The following PCDH7 variants were observed in gnomAD, a reference collection of about 807,000 sequenced individuals.
PCDH7 encodes protocadherin 7, also known as protocadherin-7.
In PCDH7, 17 loss-of-function variants were observed where a neutral mutation model predicts 58.9. The ratio of observed to expected loss-of-function variants is 0.29; its 90% CI spans 0.20 to 0.43. The LOEUF is 0.43. PCDH7 is among the 20% of genes least tolerant of loss of function. The pLI, the probability that PCDH7 is intolerant of heterozygous loss-of-function variation, is 1.00. For missense variants in PCDH7, 1,274 were observed against 1,441.0 expected (o/e 0.88, Z 1.88); for synonymous variants, 664 against 616.4 (o/e 1.08, Z -1.14).
intron 3 of PCDH7, among the ~76,000 whole-genome samples, chr4:31,094,698 A>G (rs1713716965): frequency 6.6e-6 from 1 of 152,056 alleles, no homozygotes; most frequent in Non-Finnish European, 1.5e-5. Flanking sequence ...TCCAGATACC[A>G]CTGATAGGAA....
At chr4:30,947,454 C>T (rs576431273) in intron 2 of PCDH7, among the ~76,000 whole-genome samples, 1 of 152,148 alleles carries the variant, frequency 6.6e-6, no homozygotes, top group Non-Finnish European at 1.5e-5. Context: ...CCAAATGCCT[C>T]ATGGGGATGA....
At chr4:30,784,067 GA>G (rs895753283) in intron 1 of PCDH7, among the ~76,000 whole-genome samples, 8 of 152,258 alleles carry the variant, frequency 5.3e-5, no homozygotes, top group Middle Eastern at 3.4e-3. Context: ...GGACTTGACT[GA>G]AAGATTGGTT....
intron 1 of PCDH7, among the ~76,000 whole-genome samples, chr4:30,740,731 G>T (rs1007272451): frequency 6.6e-6 from 1 of 151,886 alleles, no homozygotes; most frequent in Non-Finnish European, 1.5e-5. Context: ...AAGTGAAAGT[G>T]AATTACTTAT....
chr4:30,760,223 C>T (rs1316934263), intron 1 of PCDH7, among the ~76,000 whole-genome samples: 1 of 152,134 alleles, frequency 6.6e-6, no homozygotes, highest in Non-Finnish European at 1.5e-5. Context: ...AGGAATGGAA[C>T]ATTAAGGAGG....
chr4:30,958,915 C>T (rs886548004), intron 3 of PCDH7, among the ~76,000 whole-genome samples: 3 of 151,892 alleles, frequency 2.0e-5, no homozygotes, highest in African/African-American at 7.3e-5. Context: ...GTAGATAATA[C>T]CATACTTTTT....
intron 3 of PCDH7, among the ~76,000 whole-genome samples, chr4:31,082,663 A>C (rs1711653473): frequency 6.6e-6 from 1 of 152,164 alleles, no homozygotes; most frequent in Non-Finnish European, 1.5e-5. Context: ...TTCTAAGTGA[A>C]GTAACACAAA....
chr4:30,786,680 T>C lies in PCDH7; in HGVS notation c.70+62084T>C, dbSNP rs188741941. 3 of 762,278 alleles carry C rather than the reference T, an allele frequency of 3.9e-6. No individual in the cohort carries two copies. In the Admixed American group the frequency reaches 1.9e-4, roughly 48 times the overall value. 47.2% of individuals were successfully genotyped at this position (762,278 alleles called of 1,614,324 possible). ...CTTTGGAACTAGGCTGGCAAAACCCTACTCACATCCCTGTAAAGCAGACAT... is the reference window on the plus strand; with the variant it reads ...CTTTGGAACTAGGCTGGCAAAACCCCACTCACATCCCTGTAAAGCAGACAT... On this transcript the variant is annotated intron_variant, in intron 1 of 3. Transcript: ENST00000509759.
intron 3 of PCDH7, among the ~76,000 whole-genome samples, chr4:31,124,514 A>G (rs116734769): frequency 1.2e-4 from 19 of 152,282 alleles, no homozygotes; most frequent in Non-Finnish European, 1.6e-4. Flanking sequence ...CCAAGATACA[A>G]TTATTAAAAT....
chr4:30,841,497 A>C (rs1731213596), intron 1 of PCDH7, among the ~76,000 whole-genome samples: 2 of 152,128 alleles, frequency 1.3e-5, no homozygotes, highest in Admixed American at 6.6e-5. Flanking sequence ...TTTTAGTTTA[A>C]TCTATCTAAA....
intron 3 of PCDH7, among the ~76,000 whole-genome samples, chr4:31,057,521 A>G (rs1272078370): frequency 6.6e-6 from 1 of 152,194 alleles, no homozygotes; most frequent in Non-Finnish European, 1.5e-5. Context: ...CCTGATGATT[A>G]AGGTCACATG....
chr4:30,913,576 T>C (rs1742052902), intron 1 of PCDH7, among the ~76,000 whole-genome samples: 2 of 152,194 alleles, frequency 1.3e-5, no homozygotes, highest in Admixed American at 6.6e-5. Context: ...GTCAACTGCC[T>C]ACATTTAGGG....
chr4:31,126,766 A>G (rs866347652), intron 3 of PCDH7, among the ~76,000 whole-genome samples: 3 of 152,212 alleles, frequency 2.0e-5, no homozygotes, highest in Non-Finnish European at 4.4e-5. Flanking sequence ...TGGTTAATAT[A>G]GTTCACATAA....
intron 2 of PCDH7, among the ~76,000 whole-genome samples, chr4:30,928,734 T>C (rs1744201670): frequency 6.6e-6 from 1 of 152,206 alleles, no homozygotes; most frequent in Admixed American, 6.5e-5. Context: ...AAGAAGGCCA[T>C]GAAATGTTCT....
intron 3 of PCDH7, among the ~76,000 whole-genome samples, chr4:31,062,387 G>A (rs1757756572): frequency 6.6e-6 from 1 of 151,698 alleles, no homozygotes; most frequent in Admixed American, 6.6e-5. Context: ...TAAGATTTGG[G>A]TGCAGGATAT....
rs555007845 is a variant in PCDH7 at position 30,724,953 on chromosome 4, C to A, written c.3174+357C>A. 1.5e-5 allele frequency: 16 copies of A among 1,042,984 alleles called. No homozygotes were observed. In the Admixed American group the frequency reaches 1.6e-4, roughly 11 times the overall value. 64.6% of individuals were successfully genotyped at this position (1,042,984 alleles called of 1,614,324 possible). A position where few individuals can be genotyped will look rare whatever the true frequency, so the allele number is the denominator to read the frequency against. Reference sequence around the variant, plus strand: ...GTTAGTTTTCACCTGAAATTATTTTCTTCTGTGGCAACTAAGTGGATAATT... The same window carrying A: ...GTTAGTTTTCACCTGAAATTATTTTATTCTGTGGCAACTAAGTGGATAATT... On this transcript the variant is annotated intron_variant, in intron 1 of 1. Transcript: ENST00000361762.
chr4:30,740,355 C>T (rs1381244602), intron 1 of PCDH7, among the ~76,000 whole-genome samples: 1 of 152,222 alleles, frequency 6.6e-6, no homozygotes. Flanking sequence ...AATAGTTTCA[C>T]CTTAAATCTT....
chr4:30,744,646 C>T (rs996609315), intron 1 of PCDH7, among the ~76,000 whole-genome samples: 2 of 152,180 alleles, frequency 1.3e-5, no homozygotes, highest in African/African-American at 4.8e-5. Context: ...TGACACTTGG[C>T]ACTTGGCTCA....
intron 1 of PCDH7, among the ~76,000 whole-genome samples, chr4:30,847,955 A>G (rs1189311605): frequency 6.6e-6 from 1 of 152,162 alleles, no homozygotes. Context: ...AACGATTTTC[A>G]AGAGAAAAGT....
chr4:31,048,241 G>A (rs1035634283), intron 3 of PCDH7, among the ~76,000 whole-genome samples: 1 of 152,010 alleles, frequency 6.6e-6, no homozygotes, highest in Non-Finnish European at 1.5e-5. Flanking sequence ...TTGAAAGGTA[G>A]AATATTAATG....
Sources: gnomAD v4.1 joint callset for allele counts (sites outside exome capture counted in the v4.1 genomes callset) on GRCh38, gnomAD v4.1.1 for gene constraint, MANE v1.5 for transcripts, NCBI Gene and HGNC (gene_info 2026-07-23, HGNC 2026-07-21) for gene names.